Variants in KDELR2 observed in about 807,000 individuals in gnomAD.
KDELR2 encodes the protein KDEL endoplasmic reticulum protein retention receptor 2.
In KDELR2, 15 loss-of-function variants were observed where a neutral mutation model predicts 23.9. The observed-to-expected ratio is 0.63, with a 90% CI of 0.42 to 0.97. The LOEUF (loss-of-function observed/expected upper bound fraction) is 0.97. Among genes scored for constraint, KDELR2 ranks in the 50% least tolerant of loss-of-function variants. The pLI, the probability that KDELR2 is intolerant of heterozygous loss-of-function variation, is 0.00. For synonymous variants in KDELR2, 119 were observed against 106.2 expected, an observed-to-expected ratio of 1.12 and a Z score of -0.74; for missense variants, 272 against 254.6, an observed-to-expected ratio of 1.07 and a Z score of -0.46.
intron 1 of KDELR2, among the ~76,000 whole-genome samples, chr7:6,475,652 T>C (rs578003104): frequency 6.6e-6 from 1 of 152,186 alleles, no homozygotes; most frequent in Non-Finnish European, 1.5e-5. Context: ...GACATTTATG[T>C]GGTGTGCACA....
intron 2 of KDELR2, among the ~76,000 whole-genome samples, chr7:6,473,427 C>T (rs1471452680): frequency 1.3e-5 from 2 of 152,148 alleles, no homozygotes; most frequent in Non-Finnish European, 2.9e-5. Flanking sequence ...AGAACTGAAG[C>T]TCACGTAGTC....
At chr7:6,467,635 C>T (rs1205574957) in intron 3 of KDELR2, among the ~76,000 whole-genome samples, 1 of 152,100 alleles carries the variant, frequency 6.6e-6, no homozygotes, top group Non-Finnish European at 1.5e-5. Context: ...ATGGTGGGTG[C>T]CTGTAATCCC....
chr7:6,476,946 G>C (rs905442828), intron 1 of KDELR2, among the ~76,000 whole-genome samples: 1 of 152,164 alleles, frequency 6.6e-6, no homozygotes, highest in African/African-American at 2.4e-5. Flanking sequence ...ATGGGACACT[G>C]GGCCCTGACA....
At chr7:6,476,456 C>T (rs913848904) in intron 1 of KDELR2, among the ~76,000 whole-genome samples, 5 of 152,202 alleles carry the variant, frequency 3.3e-5, no homozygotes, top group Admixed American at 2.0e-4. Flanking sequence ...CAGACCATAC[C>T]TGGTGTTTGT....
intron 1 of KDELR2, among the ~76,000 whole-genome samples, chr7:6,475,287 C>G (rs922875797): frequency 2.0e-5 from 3 of 152,032 alleles, no homozygotes; most frequent in African/African-American, 7.2e-5. Context: ...GATAGCCAGG[C>G]AAGGTGGCAC....
At chr7:6,466,814 T>C (rs1785513302) in intron 3 of KDELR2, among the ~76,000 whole-genome samples, 2 of 151,966 alleles carry the variant, frequency 1.3e-5, no homozygotes, top group Non-Finnish European at 1.5e-5. Context: ...CATGCTCCTA[T>C]GAGAATTGAA....
At chr7:6,481,438 T>A (rs1785889613) in intron 1 of KDELR2, among the ~76,000 whole-genome samples, 1 of 151,644 alleles carries the variant, frequency 6.6e-6, no homozygotes, top group Non-Finnish European at 1.5e-5. Context: ...ATATCTTAGT[T>A]TGGATAAAAG....
chr7:6,482,693 T>C (rs975241753), intron 1 of KDELR2: 2 of 323,790 alleles, frequency 6.2e-6, no homozygotes, highest in Admixed American at 4.2e-5. Flanking sequence ...TTCAGGATCA[T>C]CTTTTACTGC....
At chr7:6,471,592 ATGTTGTTTCACTTCAAGTTGCAGTGTG>A (rs1367901086) in intron 2 of KDELR2, among the ~76,000 whole-genome samples, 1 of 152,132 alleles carries the variant, frequency 6.6e-6, no homozygotes, top group African/African-American at 2.4e-5. Flanking sequence ...GCTTCAGTGT[ATGTTGTTTCACTTCAAGTTGCAGTGTG>A]TGTTGTTTCA....
chr7:6,464,702 G>C (rs960814131), intron 4 of KDELR2, among the ~76,000 whole-genome samples: 2 of 150,116 alleles, frequency 1.3e-5, no homozygotes, highest in African/African-American at 4.9e-5. Flanking sequence ...AAAACAAAAG[G>C]AAAGAGATAA....
chr7:6,469,632 G>A lies in KDELR2; in HGVS notation c.315C>T (p.Leu105=). ...VEFLVVPVGG[L]SFLVNHDFSP... ...AGAAATCGTGATTAACTAAAAATGA[G>A]AGGCCTCCCACAGGGACCACCAGAA... Residue 105 remains leucine, a synonymous_variant, in exon 3 of 5, where the codon CTC becomes CTT. Coordinates refer to ENST00000258739, the MANE Select transcript of KDELR2 (RefSeq NM_006854.4). 1 of 1,613,956 alleles carries A rather than the reference G, an allele frequency of 6.2e-7. No homozygotes were observed. The highest frequency in any genetic ancestry group is 8.5e-7 in the Non-Finnish European group (1 of 1,179,952).
intron 2 of KDELR2, 48 bp from the exon 3 acceptor site, chr7:6,469,802 C>T (rs1277174192): frequency 1.4e-6 from 2 of 1,466,742 alleles, no homozygotes; most frequent in Admixed American, 4.7e-5. Flanking sequence ...TGCCACTGTT[C>T]CAGCACCCCC....
At chr7:6,474,414 C>A (rs1431001546) in intron 1 of KDELR2, 130 bp from the exon 2 acceptor site, 1 of 635,728 alleles carries the variant, frequency 1.6e-6, no homozygotes, top group Non-Finnish European at 2.8e-6. Flanking sequence ...AGGGATGGCT[C>A]TGAATGAACA....
intron 2 of KDELR2, 188 bp from the exon 3 acceptor site, chr7:6,469,942 C>T (rs1785592233): frequency 2.1e-6 from 1 of 469,136 alleles, no homozygotes. Context: ...GCATAACCAC[C>T]ACCAAAATTA....
chr7:6,480,646 C>G (rs1055776207), intron 1 of KDELR2, among the ~76,000 whole-genome samples: 2 of 151,896 alleles, frequency 1.3e-5, no homozygotes, highest in Non-Finnish European at 2.9e-5. Flanking sequence ...ACAGCATTTT[C>G]AAAATCAGTG....
rs1048261586 is a variant in KDELR2 at position 6,461,113 on chromosome 7, G to A, written c.*2028C>T. 3 of 152,112 alleles carry A rather than the reference G, an allele frequency of 2.0e-5. No individual in the cohort carries two copies. The highest frequency in any genetic ancestry group is 6.6e-5 in the Admixed American group (1 of 15,254). The allele number at this position is 152,112 out of a possible 1,614,324, so 9.4% of individuals were successfully genotyped here. ...ATTAATTACCTGGTAACCTTTATTC[G>A]GGAAGTGAAAGTAACTGTGAAACAG... is the stretch of plus-strand genomic sequence containing the variant. On this transcript the variant is annotated 3_prime_UTR_variant, in exon 5 of 5. Coordinates refer to ENST00000258739, the MANE Select transcript of KDELR2 (RefSeq NM_006854.4).
Position 6,462,813 on chromosome 7 carries a change from TA to T in KDELR2, c.*327del, listed in dbSNP as rs201977312. 1,701 of 559,100 alleles carry T rather than the reference TA, an allele frequency of 3.0e-3. No individual in the cohort carries two copies. Among genetic ancestry groups the T allele is most frequent in the Middle Eastern group, 5.0e-3 (10 of 1,982 alleles). 34.6% of individuals were successfully genotyped at this position (559,100 alleles called of 1,614,324 possible). A position where few individuals can be genotyped will look rare whatever the true frequency, so the allele number is the denominator to read the frequency against. ...AAGAGTTTCAAAGAATTTTTTAAAA[TA>T]AAAAAAAAATTTGCACTTATTCCTC... On this transcript the variant is annotated 3_prime_UTR_variant, in exon 5 of 5. Transcript: ENST00000258739.
rs529012211 is a variant in KDELR2, at chr7:6,474,933, T to C, written c.92-649A>G. 2.6e-5 allele frequency among the ~76,000 whole-genome samples: 4 copies of C among 152,332 alleles called. No individual in the cohort carries two copies. In the South Asian group the frequency reaches 8.3e-4, roughly 32 times the overall value. ...CATTACAGGTATGAGCCATGTCGCCTGGTCCCTTCTTTGTATGGTAAAACA... is the reference window on the plus strand; with the variant it reads ...CATTACAGGTATGAGCCATGTCGCCCGGTCCCTTCTTTGTATGGTAAAACA... On this transcript the variant is annotated intron_variant, in intron 1 of 4. Coordinates refer to ENST00000258739, the MANE Select transcript of KDELR2 (RefSeq NM_006854.4).
chr7:6,473,834 G>A (rs1785702627), intron 2 of KDELR2, among the ~76,000 whole-genome samples: 1 of 152,144 alleles, frequency 6.6e-6, no homozygotes, highest in African/African-American at 2.4e-5. Context: ...GGATTTCTCT[G>A]GGGACTCTGT....
Sources: gnomAD v4.1 joint callset for allele counts (sites outside exome capture counted in the v4.1 genomes callset) on GRCh38, gnomAD v4.1.1 for gene constraint, MANE v1.5 for transcripts, NCBI Gene and HGNC (gene_info 2026-07-23, HGNC 2026-07-21) for gene names.